Variants in DNAAF5 observed in about 807,000 individuals in gnomAD.
DNAAF5 encodes HEAT repeat containing 2.
A neutral mutation model predicts 75.8 loss-of-function variants in DNAAF5; 64 were observed. The observed-to-expected ratio is 0.84, with a 90% CI of 0.69 to 1.04. The LOEUF (loss-of-function observed/expected upper bound fraction) is 1.04, where lower values mean the gene tolerates loss of function less well. DNAAF5 is among the 50% of genes least tolerant of loss of function. The probability of loss-of-function intolerance (pLI) is 0.00; values close to 1 mark genes in which losing one functional copy is unlikely to be tolerated. For synonymous variants in DNAAF5, 657 were observed against 557.2 expected, an observed-to-expected ratio of 1.18 and a Z score of -2.52; for missense variants, 1,269 against 1,178.5, an observed-to-expected ratio of 1.08 and a Z score of -1.12.
At chr7:779,286 G>C (rs939124973) in intron 11 of DNAAF5, among the ~76,000 whole-genome samples, 1 of 152,108 alleles carries the variant, frequency 6.6e-6, no homozygotes, top group Non-Finnish European at 1.5e-5. Context: ...CTCATGCCAG[G>C]CATGGGCAGC....
chr7:758,085 G>A lies in DNAAF5; in HGVS notation c.1470+1091G>A, dbSNP rs148086702. ...GGAGCGGGGGAGGGGCCCGGGCCGC[G>A]TGCTCATGGCATTTCAGCCATGCTT... is the stretch of plus-strand genomic sequence containing the variant. On this transcript the variant is annotated intron_variant, in intron 6 of 12. Transcript: ENST00000297440. Among the ~76,000 whole-genome samples, 434 of 152,356 alleles carry A rather than the reference G, an allele frequency of 2.8e-3. 5 individuals are homozygous for A. The highest frequency in any genetic ancestry group is 9.7e-3 in the African/African-American group (402 of 41,588).
intron 11 of DNAAF5, among the ~76,000 whole-genome samples, chr7:776,140 C>T (rs1486218664): frequency 6.6e-6 from 1 of 151,980 alleles, no homozygotes; most frequent in Non-Finnish European, 1.5e-5. Context: ...GAGATAGAAA[C>T]CATCCTGGCC....
chr7:770,662 G>T (rs768120948), intron 9 of DNAAF5, 44 bp downstream of exon 9: 5 of 1,589,852 alleles, frequency 3.1e-6, no homozygotes, highest in Non-Finnish European at 4.3e-6. Context: ...GCTGGGGCCT[G>T]GGCCAGGGGT....
At position 727,269 on chromosome 7, in the gene DNAAF5, C is replaced by T; in HGVS notation, c.549C>T (p.Arg183=). ...CSLLDPFAAV[R]RESCSCAAAL... ...TGCTCGACCCCTTCGCCGCCGTGCG[C>T]CGCGAGAGCTGCAGCTGCGCCGCCG... Residue 183 remains arginine, a synonymous_variant, in exon 1 of 13, where the codon CGC becomes CGT. Coordinates refer to ENST00000297440, the MANE Select transcript of DNAAF5 (RefSeq NM_017802.4). The T allele has an allele frequency of 3.8e-6, 5 of 1,325,804 alleles. No individual in the cohort carries two copies. The South Asian group carries it at 5.9e-5, about 16-fold the overall frequency. 82.1% of individuals were successfully genotyped at this position (1,325,804 alleles called of 1,614,324 possible).
chr7:761,639 C>G, intron 6 of DNAAF5, 114 bp from the exon 7 acceptor site: 2 of 1,123,210 alleles, frequency 1.8e-6, no homozygotes, highest in South Asian at 1.6e-5. Flanking sequence ...TTCCCTCCCA[C>G]AGGGTCCCTC....
intron 4 of DNAAF5, among the ~76,000 whole-genome samples, chr7:746,395 C>T (rs1321007099): frequency 3.5e-5 from 3 of 85,908 alleles, no homozygotes; most frequent in African/African-American, 5.9e-5. Flanking sequence ...GGGCCTGTGA[C>T]GCCCTCCTTA....
intron 8 of DNAAF5, among the ~76,000 whole-genome samples, chr7:766,949 G>A (rs1424703950): frequency 1.3e-5 from 2 of 152,158 alleles, no homozygotes; most frequent in South Asian, 2.1e-4. Flanking sequence ...ATTAAAGACT[G>A]TAGGGTCCCG....
At position 785,785 on chromosome 7, in the gene DNAAF5, C is replaced by A; in HGVS notation, c.*132C>A. 9 of 989,844 alleles carry A rather than the reference C, an allele frequency of 9.1e-6. No individual in the cohort carries two copies. Among genetic ancestry groups the A allele is most frequent in the Non-Finnish European group, 1.3e-5 (9 of 690,296 alleles). 61.3% of individuals were successfully genotyped at this position (989,844 alleles called of 1,614,324 possible). A position where few individuals can be genotyped will look rare whatever the true frequency, so the allele number is the denominator to read the frequency against. On this transcript the variant is annotated 3_prime_UTR_variant, in exon 13 of 13. Coordinates refer to ENST00000297440, the MANE Select transcript of DNAAF5 (RefSeq NM_017802.4). ...CAGCAAGAATGTACTCCTCAGGACA[C>A]CTGCCCACTCTTTCCCTGGAATAAC...
chr7:756,802 C>T lies in DNAAF5; in HGVS notation c.1278C>T (p.Leu426=), dbSNP rs1272588041. ...CGCAGTGTACCAGATCCGCAGAGCTCGTCGGGACGTTTGTCAGCCCTGAGG... is the reference window on the plus strand; with the variant it reads ...CGCAGTGTACCAGATCCGCAGAGCTTGTCGGGACGTTTGTCAGCCCTGAGG... ...VVQSCTRSAE[L]VGTFVSPEVF... Residue 426 remains leucine (L), a synonymous_variant, in exon 6 of 13, where the codon CTC becomes CTT. Transcript: ENST00000297440. 1.1e-5 allele frequency: 17 copies of T among 1,613,772 alleles called. No individual in the cohort carries two copies. Among genetic ancestry groups the T allele is most frequent in the Non-Finnish European group, 1.2e-5 (14 of 1,180,008 alleles).
In DNAAF5 at chr7:754,614, G is replaced by T. The variant is rs1782424011; in HGVS notation, c.1050G>T (p.Arg350=). 6.8e-6 allele frequency: 11 copies of T among 1,614,062 alleles called. No individual in the cohort carries two copies. Among genetic ancestry groups the T allele is most frequent in the Non-Finnish European group, 9.3e-6 (11 of 1,179,962 alleles). ...PHERRPVLGC[R]ELVFRNLSKI... ...AGCGCCGCCCTGTGCTGGGCTGCCG[G>T]GAGCTCGTCTTCAGGAACCTCTCCA... is the stretch of plus-strand genomic sequence containing the variant. The change falls in exon 5 of 13, where the codon CGG becomes CGT. Residue 350 remains arginine (R), a synonymous_variant. Transcript: ENST00000297440. This position sits in a 1 kb window ranked among gnomAD's most constrained non-coding sequence, Gnocchi z 4.8.
At chr7:749,559 T>C (rs1308699075) in intron 4 of DNAAF5, among the ~76,000 whole-genome samples, 4 of 152,298 alleles carry the variant, frequency 2.6e-5, no homozygotes, top group African/African-American at 7.2e-5. Flanking sequence ...TTTGGAAAGA[T>C]GGAAGCTTGA....
intron 2 of DNAAF5, among the ~76,000 whole-genome samples, chr7:739,572 G>A (rs561151167): frequency 2.0e-5 from 3 of 152,326 alleles, no homozygotes; most frequent in East Asian, 1.9e-4. Context: ...GTGTCCCCTC[G>A]CGTGCTTCCC....
In DNAAF5 at chr7:727,044, G is replaced by C. The variant is rs1241458505; in HGVS notation, c.324G>C (p.Ala108=). Residue 108 remains alanine (A), a synonymous_variant, in exon 1 of 13, where the codon GCG becomes GCC. Transcript: ENST00000297440. The part of the protein sequence containing the change: ...HLLDLGLRRA[A]RPRDALPRLL... ...TGGATCTGGGCCTGCGCCGCGCCGCGCGGCCCCGCGATGCCCTGCCGCGCC... is the reference window on the plus strand; with the variant it reads ...TGGATCTGGGCCTGCGCCGCGCCGCCCGGCCCCGCGATGCCCTGCCGCGCC... 2.0e-5 allele frequency: 22 copies of C among 1,109,164 alleles called. No individual in the cohort carries two copies. The highest frequency in any genetic ancestry group is 2.3e-5 in the Non-Finnish European group (21 of 911,066). The allele number at this position is 1,109,164 out of a possible 1,614,324, so 68.7% of individuals were successfully genotyped here.
At position 754,252 on chromosome 7, in the gene DNAAF5, G is replaced by A. The variant is rs547070604; in HGVS notation, c.1025-337G>A. On this transcript the variant is annotated intron_variant, in intron 4 of 12. Transcript: ENST00000297440. This position sits in a 1 kb window ranked among gnomAD's most constrained non-coding sequence, Gnocchi z 4.8. ...CAATCCTCCCACCTCAGACTCCTGC[G>A]TAGCTGGGACCACAGGCATGCACCA... Among the ~76,000 whole-genome samples, 1 of 152,274 alleles carries A rather than the reference G, an allele frequency of 6.6e-6. No individual in the cohort carries two copies. The highest frequency in any genetic ancestry group is 2.4e-5 in the African/African-American group (1 of 41,554).
In DNAAF5 at chr7:781,598, C is replaced by CTCCCAGCGGTGCTCATTTACAT. The variant is rs1489653725; in HGVS notation, c.2431+1460_2431+1481dup. On this transcript the variant is annotated intron_variant, in intron 12 of 12. Transcript: ENST00000297440. The stretch of plus-strand genomic sequence containing the variant: ...GTTTTGGAGGGACCTCCAGACTGTT[C>CTCCCAGCGGTGCTCATTTACAT]TCCCAGCGGTGCTCATTTACATTCC... 7.2e-5 allele frequency among the ~76,000 whole-genome samples: 10 copies of CTCCCAGCGGTGCTCATTTACAT among 138,764 alleles called. No homozygotes were observed. The East Asian group carries it at 1.9e-3, about 27-fold the overall frequency. 91.0% of individuals were successfully genotyped at this position (138,764 alleles called of 152,430 possible). A position where few individuals can be genotyped will look rare whatever the true frequency, so the allele number is the denominator to read the frequency against.
intron 8 of DNAAF5, among the ~76,000 whole-genome samples, chr7:767,103 GT>G (rs1402154050): frequency 1.3e-5 from 2 of 152,094 alleles, no homozygotes; most frequent in Non-Finnish European, 2.9e-5. Flanking sequence ...GCTGGGTGCG[GT>G]GGCGGGCGCT....
At chr7:758,362 C>T (rs1315047178) in intron 6 of DNAAF5, among the ~76,000 whole-genome samples, 1 of 152,220 alleles carries the variant, frequency 6.6e-6, no homozygotes, top group Non-Finnish European at 1.5e-5. Flanking sequence ...GGAATTGTGT[C>T]ATCCCACAGT....
chr7:745,233 C>T (rs1268756570), intron 4 of DNAAF5, among the ~76,000 whole-genome samples: 1 of 152,214 alleles, frequency 6.6e-6, no homozygotes, highest in Admixed American at 6.5e-5. Context: ...TCCACGTGCT[C>T]ACTGAGAAAC....
intron 2 of DNAAF5, among the ~76,000 whole-genome samples, chr7:740,019 G>A (rs1248384057): frequency 6.6e-6 from 1 of 152,124 alleles, no homozygotes; most frequent in Non-Finnish European, 1.5e-5. Context: ...GGGACTGATG[G>A]CACCACGGAG....
Sources: gnomAD v4.1 joint callset for allele counts (sites outside exome capture counted in the v4.1 genomes callset) on GRCh38, gnomAD v4.1.1 for gene constraint, Gnocchi (gnomAD v3.1) non-coding constraint, MANE v1.5 for transcripts, NCBI Gene and HGNC (gene_info 2026-07-23, HGNC 2026-07-21) for gene names.